Variants in PDS5A observed in about 807,000 individuals in gnomAD.
PDS5A encodes the protein PDS5 cohesin associated factor A.
PDS5A carries 42 observed loss-of-function variants against 167.1 expected under a neutral mutation model. The ratio of observed to expected loss-of-function variants is 0.25; its 90% CI spans 0.20 to 0.33. PDS5A has a LOEUF of 0.33. PDS5A is among the 10% of genes least tolerant of loss of function. The probability of loss-of-function intolerance (pLI) is 1.00; values close to 1 mark genes in which losing one functional copy is unlikely to be tolerated. For missense variants in PDS5A, 1,033 were observed against 1,605.9 expected, an observed-to-expected ratio of 0.64 and a Z score of 6.10; for synonymous variants, 553 against 554.6, an observed-to-expected ratio of 1.00 and a Z score of 0.04.
At chr4:39,913,471 A>G (rs1005931605) in intron 9 of PDS5A, 140 bp downstream of exon 9, 1 of 572,646 alleles carries the variant, frequency 1.7e-6, no homozygotes, top group Non-Finnish European at 3.1e-6. Context: ...AATTTATTCC[A>G]TAAGAAGGAT....
chr4:39,874,809 T>G (rs567704274), intron 19 of PDS5A, among the ~76,000 whole-genome samples: 4 of 152,030 alleles, frequency 2.6e-5, no homozygotes, highest in Non-Finnish European at 5.9e-5. Context: ...AGAAAGAGAG[T>G]AGCAAAAGGC....
At chr4:39,972,674 CT>C (rs35374040) in intron 2 of PDS5A, among the ~76,000 whole-genome samples, 134 of 144,380 alleles carry the variant, frequency 9.3e-4, no homozygotes, top group Middle Eastern at 3.6e-3. Context: ...CACAACTTTC[CT>C]TTTTTTTTTT....
chr4:39,943,298 C>T (rs903722758), intron 2 of PDS5A, among the ~76,000 whole-genome samples: 4 of 152,148 alleles, frequency 2.6e-5, no homozygotes, highest in African/African-American at 7.2e-5. Flanking sequence ...GGGAAAAATT[C>T]AATGACCTGT....
In PDS5A at chr4:39,913,595, T is replaced by G. The variant is rs1380631779; in HGVS notation, c.992+16A>C. 2 of 1,359,734 alleles carry G rather than the reference T, an allele frequency of 1.5e-6. No homozygotes were observed. Among genetic ancestry groups the G allele is most frequent in the Admixed American group, 3.4e-5 (2 of 59,692 alleles). The allele number at this position is 1,359,734 out of a possible 1,614,324, so 84.2% of individuals were successfully genotyped here. A position where few individuals can be genotyped will look rare whatever the true frequency, so the allele number is the denominator to read the frequency against. On this transcript the variant is annotated intron_variant, in intron 9 of 32. Transcript: ENST00000303538. ...ATTTTCTAAAATATAAACATCAGAA[T>G]TATATGTTCTCTTACCGTCCAAGAA...
chr4:39,843,386 A>G (rs551842387), intron 30 of PDS5A, among the ~76,000 whole-genome samples: 1 of 152,292 alleles, frequency 6.6e-6, no homozygotes, highest in East Asian at 1.9e-4. Context: ...AATTTATTTA[A>G]AAGTTAATGT....
chr4:39,943,684 G>C (rs566732619), intron 2 of PDS5A, among the ~76,000 whole-genome samples: 1 of 151,344 alleles, frequency 6.6e-6, no homozygotes, highest in Non-Finnish European at 1.5e-5. Context: ...GTGCGCACTT[G>C]TAATCCCAGC....
intron 2 of PDS5A, among the ~76,000 whole-genome samples, chr4:39,961,278 C>T (rs1054905178): frequency 1.3e-5 from 2 of 152,026 alleles, no homozygotes; most frequent in Non-Finnish European, 2.9e-5. Flanking sequence ...TTCAAGAAAT[C>T]TTTTCTTTCC....
intron 21 of PDS5A, among the ~76,000 whole-genome samples, chr4:39,872,477 C>T (rs1429024159): frequency 6.6e-6 from 1 of 151,944 alleles, no homozygotes; most frequent in African/African-American, 2.4e-5. Context: ...TAAGCCTGGC[C>T]AACATAGCGA....
chr4:39,835,415 C>T (rs1276644770), intron 32 of PDS5A, among the ~76,000 whole-genome samples: 1 of 152,140 alleles, frequency 6.6e-6, no homozygotes, highest in Non-Finnish European at 1.5e-5. Context: ...GATATTGGGG[C>T]ACATAGTGCA....
intron 2 of PDS5A, among the ~76,000 whole-genome samples, chr4:39,937,966 T>A (rs1726789324): frequency 6.6e-6 from 1 of 152,166 alleles, no homozygotes; most frequent in Non-Finnish European, 1.5e-5. Context: ...TAGTGAGCTG[T>A]ACCTAACCAG....
intron 30 of PDS5A, among the ~76,000 whole-genome samples, chr4:39,843,876 G>C (rs1346371481): frequency 6.6e-6 from 1 of 152,086 alleles, no homozygotes; most frequent in Non-Finnish European, 1.5e-5. Context: ...CAGGTGCAGT[G>C]GTTTGCGCCT....
chr4:39,826,713 T>A (rs1013100766), intron 32 of PDS5A, among the ~76,000 whole-genome samples: 16 of 151,936 alleles, frequency 1.1e-4, no homozygotes, highest in African/African-American at 3.1e-4. Flanking sequence ...TCTTGAACTC[T>A]AGACCTCGTG....
chr4:39,950,089 T>C (rs1261959509), intron 2 of PDS5A, among the ~76,000 whole-genome samples: 1 of 152,026 alleles, frequency 6.6e-6, no homozygotes, highest in East Asian at 1.9e-4. Context: ...ATGTTTTTAG[T>C]AGAGATGGGG....
At chr4:39,940,046 T>C (rs1251538485) in intron 2 of PDS5A, among the ~76,000 whole-genome samples, 1 of 151,968 alleles carries the variant, frequency 6.6e-6, no homozygotes, top group Non-Finnish European at 1.5e-5. Context: ...TCACTTGAAG[T>C]CAGGAGTTTA....
intron 16 of PDS5A, among the ~76,000 whole-genome samples, chr4:39,892,263 G>A (rs1255166426): frequency 6.6e-6 from 1 of 152,096 alleles, no homozygotes; most frequent in Non-Finnish European, 1.5e-5. Flanking sequence ...ATTCTCAGAG[G>A]CCATTCTCAG....
chr4:39,942,353 T>A (rs928067028), intron 2 of PDS5A, among the ~76,000 whole-genome samples: 2 of 152,168 alleles, frequency 1.3e-5, no homozygotes, highest in African/African-American at 4.8e-5. Context: ...TTTAAATATG[T>A]GAATATGTCC....
chr4:39,939,926 CTCTG>C (rs1268094845), intron 2 of PDS5A, among the ~76,000 whole-genome samples: 1 of 152,110 alleles, frequency 6.6e-6, no homozygotes. Context: ...GCAACAGAGA[CTCTG>C]TCTAAATAAA....
intron 2 of PDS5A, among the ~76,000 whole-genome samples, chr4:39,969,210 A>G (rs983926471): frequency 6.6e-6 from 1 of 152,238 alleles, no homozygotes; most frequent in Non-Finnish European, 1.5e-5. Context: ...AGTTAATGAC[A>G]CTTTTCAGCT....
intron 17 of PDS5A, among the ~76,000 whole-genome samples, chr4:39,886,087 C>T (rs1423686131): frequency 6.6e-6 from 1 of 152,228 alleles, no homozygotes; most frequent in Non-Finnish European, 1.5e-5. Context: ...TCCCTTCCCT[C>T]CTTGTATGTT....
Sources: allele counts gnomAD v4.1 joint callset (sites outside exome capture counted in the v4.1 genomes callset), GRCh38; gene constraint gnomAD v4.1.1; transcripts MANE v1.5; gene names NCBI Gene and HGNC (gene_info 2026-07-23, HGNC 2026-07-21).